The following TLK1 variants were observed in gnomAD, a reference collection of about 807,000 sequenced individuals.
The protein encoded by TLK1 is tousled like kinase 1.
In TLK1, 24 loss-of-function variants were observed where a neutral mutation model predicts 105.3. That is an observed-to-expected ratio of 0.23 (90% CI 0.17 to 0.32). TLK1 has a LOEUF of 0.32. Ranked by LOEUF, TLK1 falls within the 10% of genes least tolerant of loss-of-function variation. The pLI, the probability that TLK1 is intolerant of heterozygous loss-of-function variation, is 1.00. For missense variants in TLK1, 558 were observed against 910.5 expected (o/e 0.61, Z 4.98); for synonymous variants, 321 against 310.4 (o/e 1.03, Z -0.36).
At chr2:171,091,663 G>A (rs1328596778) in intron 2 of TLK1, 1 of 152,182 alleles carries the variant, frequency 6.6e-6, no homozygotes, top group African/African-American at 2.4e-5. Flanking sequence ...TTCCCCAGAA[G>A]TTTGAATCTC....
At position 171,160,822 on chromosome 2, in the gene TLK1, G is replaced by GCCCCCGGCGTCGC. The variant is rs1256947121; in HGVS notation, c.-407_-395dup. 1.4e-5 allele frequency: 5 copies of GCCCCCGGCGTCGC among 354,018 alleles called. No individual in the cohort carries two copies. The highest frequency in any genetic ancestry group is 1.1e-4 in the African/African-American group (5 of 46,432). The allele number at this position is 354,018 out of a possible 1,614,324, so 21.9% of individuals were successfully genotyped here. On this transcript the variant is annotated 5_prime_UTR_variant, in exon 1 of 21. Coordinates refer to ENST00000431350, the MANE Select transcript of TLK1 (RefSeq NM_012290.5). The surrounding 1 kb of genome is among the most constrained non-coding windows in gnomAD (Gnocchi z 4.4). Reference sequence around the variant, plus strand: ...CTGCCGGCACCTCTGCAGTGCGTCGGCCCCCGGCGTCGCCCGGGAGGCGGC... The same window carrying GCCCCCGGCGTCGC: ...CTGCCGGCACCTCTGCAGTGCGTCGGCCCCCGGCGTCGCCCCCCGGCGTCGCCCGGGAGGCGGC...
At chr2:171,029,434 A>G (rs1233244847) in intron 11 of TLK1, among the ~76,000 whole-genome samples, 1 of 152,174 alleles carries the variant, frequency 6.6e-6, no homozygotes, top group Non-Finnish European at 1.5e-5. Context: ...ATTCCAGAAC[A>G]GCCTGGGCAA....
At position 171,182,743 on chromosome 2, in the gene TLK1, G is replaced by A. The variant is rs543770041; in HGVS notation, c.-6+48402C>T. ...GAGACCAGCCTGGACAACACAGTGA[G>A]ACCCTATCACAACAAAAAATTAAAA... is the stretch of plus-strand genomic sequence containing the variant. On this transcript the variant is annotated intron_variant, in intron 1 of 20. Coordinates refer to the TLK1 transcript ENST00000521943. Among the ~76,000 whole-genome samples the A allele has an allele frequency of 7.2e-5, 11 of 151,746 alleles. No individual in the cohort carries two copies. The East Asian group carries it at 1.9e-3, about 27-fold the overall frequency.
At chr2:171,107,350 G>A (rs1689972889) in intron 2 of TLK1, among the ~76,000 whole-genome samples, 1 of 152,112 alleles carries the variant, frequency 6.6e-6, no homozygotes, top group African/African-American at 2.4e-5. Context: ...AAAACATTAG[G>A]ACTCTGTAAG....
At chr2:171,105,895 T>C (rs1689903705) in intron 2 of TLK1, among the ~76,000 whole-genome samples, 1 of 152,206 alleles carries the variant, frequency 6.6e-6, no homozygotes, top group Non-Finnish European at 1.5e-5. Context: ...GCTGAAGAGA[T>C]ATCTGCATTC....
intron 2 of TLK1, among the ~76,000 whole-genome samples, chr2:171,100,522 T>C (rs1043432840): frequency 6.6e-6 from 1 of 152,096 alleles, no homozygotes; most frequent in Non-Finnish European, 1.5e-5. Context: ...GTAAAACTCC[T>C]CGCCAGAAGC....
At chr2:171,162,302 G>A (rs1266012025), upstream of TLK1, among the ~76,000 whole-genome samples, 1 of 152,252 alleles carries the variant, frequency 6.6e-6, no homozygotes, top group Non-Finnish European at 1.5e-5. Flanking sequence ...CACTTTGGGA[G>A]GCCGAGGTGG....
intron 1 of TLK1, among the ~76,000 whole-genome samples, chr2:171,194,832 A>AG: frequency 6.6e-6 from 1 of 152,032 alleles, no homozygotes; most frequent in East Asian, 1.9e-4. Context: ...AAAAAAAAAA[A>AG]AAAAAAAAGT....
At chr2:171,224,641 G>T (rs1287456724) in intron 1 of TLK1, among the ~76,000 whole-genome samples, 1 of 152,118 alleles carries the variant, frequency 6.6e-6, no homozygotes, top group Non-Finnish European at 1.5e-5. Context: ...TTGATCTACA[G>T]ATTCAACAAA....
intron 14 of TLK1, 116 bp from the exon 15 acceptor site, chr2:171,007,179 TTA>T: frequency 1.4e-6 from 1 of 708,014 alleles, no homozygotes; most frequent in South Asian, 2.0e-5. Context: ...AACCCTACAA[TTA>T]TTAATGATCT....
chr2:171,156,508 G>T (rs1692240675), intron 1 of TLK1, among the ~76,000 whole-genome samples: 1 of 152,152 alleles, frequency 6.6e-6, no homozygotes, highest in South Asian at 2.1e-4. Context: ...AGGCCAAAAG[G>T]CTAAAGCATA....
rs1427876733 is a variant in TLK1, at chr2:171,100,949, C to CA, written c.258+16789dup. On this transcript the variant is annotated intron_variant, in intron 2 of 20. Transcript: ENST00000431350. ...GTCCAACAACTCACAAAAGAACAAA[C>CA]AAAATGTGGCACATCCATATAATGG... 2.0e-5 allele frequency among the ~76,000 whole-genome samples: 3 copies of CA among 152,128 alleles called. No homozygotes were observed. In the East Asian group the frequency reaches 5.8e-4, roughly 29 times the overall value.
At chr2:171,122,138 G>A (rs1032934204) in intron 1 of TLK1, among the ~76,000 whole-genome samples, 13 of 152,068 alleles carry the variant, frequency 8.5e-5, no homozygotes, top group Admixed American at 5.9e-4. Context: ...GTGAAGACGG[G>A]GTTTCACCAT....
rs1364441178 is a variant in TLK1, at chr2:170,993,044, A to G, written c.*736T>C. On this transcript the variant is annotated 3_prime_UTR_variant, in exon 21 of 21. Transcript: ENST00000431350. The stretch of plus-strand genomic sequence containing the variant: ...TTCTAACGTGTTGAAAACACTGGCA[A>G]TATTATAATTTAGTGAATTCAACTG... 6.6e-6 allele frequency: 1 copy of G among 152,660 alleles called. No homozygotes were observed. Among genetic ancestry groups the G allele is most frequent in the Non-Finnish European group, 1.5e-5 (1 of 68,034 alleles). The allele number at this position is 152,660 out of a possible 1,614,324, so 9.5% of individuals were successfully genotyped here.
At position 171,194,154 on chromosome 2, in the gene TLK1, T is replaced by C. The variant is rs1040744280; in HGVS notation, c.-6+36991A>G. 4.6e-5 allele frequency among the ~76,000 whole-genome samples: 7 copies of C among 152,320 alleles called. No homozygotes were observed. The South Asian group carries it at 1.2e-3, about 27-fold the overall frequency. On this transcript the variant is annotated intron_variant, in intron 1 of 20. Coordinates refer to the TLK1 transcript ENST00000521943. Reference sequence around the variant, plus strand: ...GTTGGGGCTCGCCATTGAAGAAATATATTTCTTTAAGCCTTATTCACATTA... The same window carrying C: ...GTTGGGGCTCGCCATTGAAGAAATACATTTCTTTAAGCCTTATTCACATTA...
chr2:171,128,218 A>G (rs1690950156), intron 1 of TLK1, among the ~76,000 whole-genome samples: 1 of 152,128 alleles, frequency 6.6e-6, no homozygotes, highest in South Asian at 2.1e-4. Context: ...GCTTCTCTCT[A>G]CTGCCATGAC....
At chr2:171,168,808 C>A (rs1225255971) in intron 1 of TLK1, among the ~76,000 whole-genome samples, 1 of 152,158 alleles carries the variant, frequency 6.6e-6, no homozygotes, top group Admixed American at 6.5e-5. Context: ...GCTCAGGGTG[C>A]AGTGGCTCAT....
At position 171,049,818 on chromosome 2, in the gene TLK1, C is replaced by G; in HGVS notation, c.976G>C (p.Val326Leu). The change falls in exon 10 of 21, where the codon GTG becomes CTG. Residue 326 changes from valine to leucine, a missense_variant. By Grantham distance (32) the Val-to-Leu change is conservative. This residue lies in a region of TLK1 where 196 missense variants were observed against 239.3 expected (regional missense o/e 0.82). Transcript: ENST00000431350. ...WTDGFAFQNL[V>L]KQQEWVNQQR... ...TAAATGTTAAGAATGACTAACTTCA[C>G]AAGATTCTGAAATGCAAAACCATCT... 6.2e-7 allele frequency: 1 copy of G among 1,613,590 alleles called. No homozygotes were observed. Among genetic ancestry groups the G allele is most frequent in the African/African-American group, 1.3e-5 (1 of 74,976 alleles).
At chr2:171,114,457 T>C (rs192041618) in intron 2 of TLK1, among the ~76,000 whole-genome samples, 7 of 152,264 alleles carry the variant, frequency 4.6e-5, no homozygotes, top group Admixed American at 2.0e-4. Context: ...AGACGTGACT[T>C]TGGAAGAATG....
Sources: gnomAD v4.1 joint callset for allele counts (sites outside exome capture counted in the v4.1 genomes callset) on GRCh38, gnomAD v4.1.1 for gene constraint, gnomAD v4.1.1 regional missense constraint, Gnocchi (gnomAD v3.1) non-coding constraint, MANE v1.5 for transcripts, NCBI Gene and HGNC (gene_info 2026-07-23, HGNC 2026-07-21) for gene names.